The following SBF1 variants were observed in gnomAD, a reference collection of about 807,000 sequenced individuals.
SBF1 encodes myotubularin-related protein 5.
Under a neutral mutation model 215.8 loss-of-function variants are expected in SBF1, and 65 were observed. The observed-to-expected ratio is 0.30, with a 90% CI of 0.25 to 0.37. SBF1 has a LOEUF of 0.37. Among genes scored for constraint, SBF1 ranks in the 10% least tolerant of loss-of-function variants. The pLI is 1.00. For synonymous variants in SBF1, 1,410 were observed against 1,122.8 expected, an observed-to-expected ratio of 1.26 and a Z score of -5.11; for missense variants, 2,634 against 2,667.8, an observed-to-expected ratio of 0.99 and a Z score of 0.28.
rs1166328555 is a variant in SBF1 at position 50,446,517 on chromosome 22, C to T, written c.*625G>A. 1 of 249,706 alleles carries T rather than the reference C, an allele frequency of 4.0e-6. No homozygotes were observed. Among genetic ancestry groups the T allele is most frequent in the African/African-American group, 2.3e-5 (1 of 44,312 alleles). The allele number at this position is 249,706 out of a possible 1,614,324, so 15.5% of individuals were successfully genotyped here. A position where few individuals can be genotyped will look rare whatever the true frequency, so the allele number is the denominator to read the frequency against. On this transcript the variant is annotated 3_prime_UTR_variant, in exon 41 of 41. Transcript: ENST00000380817. ...CCTCTGTGAGGTCAGCTTCTGCATC[C>T]CCTGGGTAGGGATGGGGGCTTCCTC...
Position 50,454,612 on chromosome 22 carries a change from C to A in SBF1, c.4943G>T (p.Arg1648Leu), listed in dbSNP as rs894795215. The A allele has an allele frequency of 1.2e-6, 2 of 1,607,130 alleles. No individual in the cohort carries two copies. The highest frequency in any genetic ancestry group is 1.7e-4 in the Middle Eastern group (1 of 5,998). ...GCTCTGGGGAGCGCCTCCATCAGACCGTTCTTCCTCTGGGGGTTCAGGGGG... is the reference window on the plus strand; with the variant it reads ...GCTCTGGGGAGCGCCTCCATCAGACAGTTCTTCCTCTGGGGGTTCAGGGGG... ...QGPPEPPEEE[R>L]SDGGAPQSRR... The change falls in exon 36 of 41, where the codon CGG becomes CTG. Residue 1648 changes from arginine to leucine, a missense_variant. Transcript: ENST00000380817.
chr22:50,460,982 C>T (rs2067483813), intron 23 of SBF1, among the ~76,000 whole-genome samples, 177 bp downstream of exon 23: 1 of 152,222 alleles, frequency 6.6e-6, no homozygotes, highest in African/African-American at 2.4e-5. Context: ...ACCCAAAGAC[C>T]GCACATCAAA....
Position 50,454,720 on chromosome 22 carries a change from A to G in SBF1, c.4835T>C (p.Val1612Ala). ...GAAGTCCCACACCTTCAGGTTGGAC[A>G]CGTTGCTGTAGGGCCGCAGGACCTG... ...DAEVLRPYSNVSNLKVWDFYT... is the reference protein window; with the variant it reads ...DAEVLRPYSNASNLKVWDFYT... Residue 1612 changes from valine (V) to alanine (A), a missense_variant, in exon 36 of 41, where the codon GTG (valine) becomes GCG (alanine). Transcript: ENST00000380817. The G allele has an allele frequency of 6.4e-7, 1 of 1,569,150 alleles. No homozygotes were observed. Among genetic ancestry groups the G allele is most frequent in the Non-Finnish European group, 8.6e-7 (1 of 1,159,832 alleles).
rs549369970 is a variant in SBF1 at position 50,467,181 on chromosome 22, A to G, written c.549+157T>C. On this transcript the variant is annotated intron_variant, in intron 5 of 40. Transcript: ENST00000380817. ...GCACAGGTGCGAGGGCCAGGTAAGCAGGCCAGGACTGTTGGGGGCAATGGT... is the reference window on the plus strand; with the variant it reads ...GCACAGGTGCGAGGGCCAGGTAAGCGGGCCAGGACTGTTGGGGGCAATGGT... 5 of 630,046 alleles carry G rather than the reference A, an allele frequency of 7.9e-6. No individual in the cohort carries two copies. In the East Asian group the frequency reaches 1.4e-4, roughly 17 times the overall value. The allele number at this position is 630,046 out of a possible 1,614,324, so 39.0% of individuals were successfully genotyped here.
intron 5 of SBF1, 46 bp from the exon 6 acceptor site, chr22:50,466,756 G>T: frequency 7.4e-7 from 1 of 1,349,604 alleles, no homozygotes; most frequent in South Asian, 1.4e-5. Flanking sequence ...GCCAGAGCCA[G>T]CCCAGAGTCA....
rs190798895 is a variant in SBF1 at position 50,459,873 on chromosome 22, C to T, written c.3491+79G>A. The T allele has an allele frequency of 4.6e-3, 6,852 of 1,504,660 alleles. 22 individuals carry two copies. The highest frequency in any genetic ancestry group is 0.02 in the Middle Eastern group (119 of 5,818). The allele number at this position is 1,504,660 out of a possible 1,614,324, so 93.2% of individuals were successfully genotyped here. On this transcript the variant is annotated intron_variant, in intron 26 of 40. Coordinates refer to ENST00000380817, the MANE Select transcript of SBF1 (RefSeq NM_002972.4). ...CCACATTCCTTACATGACCAGAAGC[C>T]GTGGCCCAGGCCCACAGCGGGCAGG...
chr22:50,450,508 G>A (rs561347331), intron 36 of SBF1, among the ~76,000 whole-genome samples: 3 of 150,518 alleles, frequency 2.0e-5, no homozygotes, highest in African/African-American at 7.3e-5. Flanking sequence ...GAGACAAAGT[G>A]AGACTCTGCC....
At position 50,464,818 on chromosome 22, in the gene SBF1, C is replaced by T. The variant is rs780556609; in HGVS notation, c.1431+1G>A. Reference sequence around the variant, plus strand: ...GCCCTCCCGTCCTGCTACCCTCGTACGTTCTTGTAGAGCTGCTCTGCCAGT... The same window carrying T: ...GCCCTCCCGTCCTGCTACCCTCGTATGTTCTTGTAGAGCTGCTCTGCCAGT... On this transcript the variant is annotated splice_donor_variant, in intron 13 of 40. Coordinates refer to ENST00000380817, the MANE Select transcript of SBF1 (RefSeq NM_002972.4). LOFTEE classifies it high-confidence loss of function. 1.2e-6 allele frequency: 2 copies of T among 1,613,546 alleles called. No individual in the cohort carries two copies. Among genetic ancestry groups the T allele is most frequent in the East Asian group, 2.2e-5 (1 of 44,886 alleles).
chr22:50,447,741 A>C, intron 38 of SBF1, 132 bp from the exon 39 acceptor site: 1 of 663,692 alleles, frequency 1.5e-6, no homozygotes, highest in Non-Finnish European at 2.6e-6. Context: ...GAACTGACCT[A>C]AGCCCAGAGC....
Position 50,456,237 on chromosome 22 carries a change from C to T in SBF1, c.4245G>A (p.Glu1415=), listed in dbSNP as rs771997556. ...PSPASFLRSL[E]DSEWLIQIHK... is the part of the protein sequence containing the mutation. Reference sequence around the variant, plus strand: ...AGACCTGGATCAGCCACTCTGAGTCCTCCAGTGAGCGCAGGAAGGAGGCTG... The same window carrying T: ...AGACCTGGATCAGCCACTCTGAGTCTTCCAGTGAGCGCAGGAAGGAGGCTG... The change falls in exon 31 of 41, where the codon GAG becomes GAA. Residue 1415 remains glutamate, a synonymous_variant. Coordinates refer to ENST00000380817, the MANE Select transcript of SBF1 (RefSeq NM_002972.4). The T allele has an allele frequency of 8.7e-6, 14 of 1,612,188 alleles. No homozygotes were observed. In the South Asian group the frequency reaches 1.4e-4, roughly 16 times the overall value.
intron 1 of SBF1, among the ~76,000 whole-genome samples, chr22:50,472,552 G>A (rs1010633372): frequency 2.0e-4 from 30 of 152,174 alleles, no homozygotes; most frequent in Admixed American, 2.0e-4. Context: ...GGCCTCCTGT[G>A]TGCTACTGCT....
rs1162539768 is a variant in SBF1, at chr22:50,467,361, C to T, written c.526G>A (p.Val176Met). The T allele has an allele frequency of 6.2e-7, 1 of 1,613,996 alleles. No homozygotes were observed. The highest frequency in any genetic ancestry group is 8.5e-7 in the Non-Finnish European group (1 of 1,180,004). The change falls in exon 5 of 41, where the codon GTG (valine) becomes ATG (methionine). Residue 176 changes from valine (V) to methionine (M), a missense_variant. Physicochemically the swap from Val to Met is conservative, Grantham distance 21. Coordinates refer to ENST00000380817, the MANE Select transcript of SBF1 (RefSeq NM_002972.4). ...ACCTGCGAGCCCCCAGCCAGGGGCA[C>T]AGTGCACGTCAGCAGGTTCCCAATC... ...NVIGNLLTCTVPLAGGSQRTI... is the reference protein window; with the variant it reads ...NVIGNLLTCTMPLAGGSQRTI...
Position 50,462,249 on chromosome 22 carries a change from C to T in SBF1, c.2352G>A (p.Gly784=), listed in dbSNP as rs1241424976. Residue 784 remains glycine, a synonymous_variant, in exon 19 of 41, where the codon GGG becomes GGA. Transcript: ENST00000380817. ...SKSRLLRERA[G]LGDLESASNS... ...TGCTGGCGCTCTCCAGGTCGCCCAG[C>T]CCGGCACGCTCCCGAAGTAGGCGGC... 1.2e-6 allele frequency: 2 copies of T among 1,609,708 alleles called. No individual in the cohort carries two copies. The highest frequency in any genetic ancestry group is 2.2e-5 in the East Asian group (1 of 44,884).
At chr22:50,471,012 A>C (rs1603435231) in intron 1 of SBF1, among the ~76,000 whole-genome samples, 1 of 152,070 alleles carries the variant, frequency 6.6e-6, no homozygotes, top group South Asian at 2.1e-4. Context: ...AGGGTCCCCC[A>C]CCCACTGAAG....
intron 36 of SBF1, among the ~76,000 whole-genome samples, chr22:50,449,638 A>ACACACACACACACACACACACC (rs1444158684): frequency 1.6e-5 from 2 of 128,264 alleles, no homozygotes; most frequent in African/African-American, 2.6e-5. Context: ...ACACACACAC[A>ACACACACACACACACACACACC]CACACACACA....
chr22:50,466,327 T>C, intron 7 of SBF1, 23 bp downstream of exon 7: 4 of 1,597,572 alleles, frequency 2.5e-6, no homozygotes, highest in Non-Finnish European at 3.4e-6. Context: ...GAGAAGGGGC[T>C]GGGAGGGCCG....
At chr22:50,465,703 C>G in intron 10 of SBF1, 60 bp downstream of exon 10, 5 of 1,480,926 alleles carry the variant, frequency 3.4e-6, no homozygotes, top group Non-Finnish European at 4.6e-6. Flanking sequence ...TGGCAGCAGA[C>G]CTGAGTGGGG....
chr22:50,460,073 T>G lies in SBF1; in HGVS notation c.3370A>C (p.Arg1124=). 2 of 1,613,934 alleles carry G rather than the reference T, an allele frequency of 1.2e-6. No individual in the cohort carries two copies. Among genetic ancestry groups the G allele is most frequent in the Non-Finnish European group, 1.7e-6 (2 of 1,179,990 alleles). ...DRMTMSSLVE[R]ACCRDYQRLG... is the part of the protein sequence containing the mutation. ...CGCTGGTAGTCGCGACAGCAAGCCCTTTCCACCAGGCTGCTCATGGTCATG... is the reference window on the plus strand; with the variant it reads ...CGCTGGTAGTCGCGACAGCAAGCCCGTTCCACCAGGCTGCTCATGGTCATG... The change falls in exon 26 of 41, where the codon AGG becomes CGG. Residue 1124 remains arginine (R), a synonymous_variant. Coordinates refer to ENST00000380817, the MANE Select transcript of SBF1 (RefSeq NM_002972.4).
intron 28 of SBF1, among the ~76,000 whole-genome samples, chr22:50,458,054 C>T (rs1156871631): frequency 6.6e-6 from 1 of 152,202 alleles, no homozygotes; most frequent in African/African-American, 2.4e-5. Context: ...AATCCCAGCA[C>T]TTTGGGAGGC....
Sources: allele counts gnomAD v4.1 joint callset (sites outside exome capture counted in the v4.1 genomes callset), GRCh38; gene constraint gnomAD v4.1.1; transcripts MANE v1.5; gene names NCBI Gene and HGNC (gene_info 2026-07-23, HGNC 2026-07-21).